The following CNTNAP4 variants were observed in gnomAD, a reference collection of about 807,000 sequenced individuals.
CNTNAP4 encodes the protein contactin-associated protein-like 4.
In CNTNAP4, 98 loss-of-function variants were observed where a neutral mutation model predicts 148.4. The observed-to-expected ratio is 0.66, with a 90% CI of 0.56 to 0.78. The LOEUF (loss-of-function observed/expected upper bound fraction) is 0.78. Among genes scored for constraint, CNTNAP4 ranks in the 30% least tolerant of loss-of-function variants. The pLI is 0.00. For missense variants in CNTNAP4, 1,935 were observed against 1,565.6 expected (o/e 1.24, Z -3.98); for synonymous variants, 730 against 565.1 (o/e 1.29, Z -4.14).
intron 10 of CNTNAP4, among the ~76,000 whole-genome samples, chr16:76,473,840 GTT>G (rs372567909): frequency 0.58 from 75,238 of 129,678 alleles, 19,149 homozygotes; most frequent in East Asian, 0.66. Flanking sequence ...GGTTTTGTAG[GTT>G]TTTTTTTTGT....
chr16:76,495,042 A>G lies in CNTNAP4; in HGVS notation c.2213A>G (p.Asn738Ser), dbSNP rs760241728. 5.0e-6 allele frequency: 8 copies of G among 1,613,330 alleles called. No homozygotes were observed. The highest frequency in any genetic ancestry group is 3.3e-5 in the Admixed American group (2 of 59,972). ...GNCIDSQYYC[N>S]CDADRNEWTN... ...TGCATTGATTCTCAGTATTACTGCA[A>G]TTGTGATGCTGACCGGAATGAATGG... is the stretch of plus-strand genomic sequence containing the variant. Residue 738 changes from asparagine to serine, a missense_variant, in exon 14 of 24, where the codon AAT (asparagine) becomes AGT (serine). Transcript: ENST00000611870.
intron 2 of CNTNAP4, among the ~76,000 whole-genome samples, chr16:76,353,501 A>G (rs1228491959): frequency 6.6e-6 from 1 of 152,200 alleles, no homozygotes; most frequent in Admixed American, 6.5e-5. Context: ...CCATACTCCA[A>G]CCACTTCCTT....
intron 3 of CNTNAP4, among the ~76,000 whole-genome samples, chr16:76,418,729 GT>G (rs111245948): frequency 0.36 from 54,379 of 149,588 alleles, 11,006 homozygotes; most frequent in Non-Finnish European, 0.44. Flanking sequence ...AGAGTGTGGG[GT>G]TTTTTTTTTT....
intron 1 of CNTNAP4, among the ~76,000 whole-genome samples, chr16:76,292,459 T>C (rs561563397): frequency 6.6e-6 from 1 of 152,294 alleles, no homozygotes; most frequent in South Asian, 2.1e-4. Context: ...CACAGCTGTC[T>C]CTCCAGCCCT....
At chr16:76,417,464 A>C (rs909207812) in intron 3 of CNTNAP4, among the ~76,000 whole-genome samples, 1 of 151,482 alleles carries the variant, frequency 6.6e-6, no homozygotes, top group African/African-American at 2.4e-5. Context: ...AGGTCCCTTA[A>C]AACAGAGTAT....
chr16:76,518,357 A>G (rs561844829), intron 15 of CNTNAP4, among the ~76,000 whole-genome samples: 2 of 152,172 alleles, frequency 1.3e-5, no homozygotes, highest in Admixed American at 6.5e-5. Context: ...CGAACTCCTG[A>G]CCTCAAGTGA....
intron 2 of CNTNAP4, among the ~76,000 whole-genome samples, chr16:76,323,784 T>G (rs1274281411): frequency 6.6e-6 from 1 of 152,142 alleles, no homozygotes; most frequent in Non-Finnish European, 1.5e-5. Context: ...CCCACAGTCT[T>G]CAGCTCTAAA....
chr16:76,303,271 T>C (rs1960166715), intron 1 of CNTNAP4, among the ~76,000 whole-genome samples: 1 of 152,094 alleles, frequency 6.6e-6, no homozygotes, highest in Non-Finnish European at 1.5e-5. Context: ...TTAAAACCCA[T>C]TTATCTGCAG....
chr16:76,443,489 G>T (rs71394260), intron 4 of CNTNAP4, among the ~76,000 whole-genome samples: 5,583 of 152,188 alleles, frequency 0.037, 184 homozygotes, highest in African/African-American at 0.091. Flanking sequence ...GAAGGCTGAG[G>T]CTGAGGTTGG....
At chr16:76,529,012 T>C (rs1322343963) in intron 17 of CNTNAP4, among the ~76,000 whole-genome samples, 1 of 152,206 alleles carries the variant, frequency 6.6e-6, no homozygotes, top group African/African-American at 2.4e-5. Flanking sequence ...ACAAAACCCT[T>C]GTATGACTAA....
intron 14 of CNTNAP4, 109 bp from the exon 15 acceptor site, chr16:76,498,458 A>T (rs2082483837): frequency 1.3e-6 from 1 of 741,202 alleles, no homozygotes; most frequent in Non-Finnish European, 2.2e-6. Flanking sequence ...GAGTGACTGG[A>T]TCCATACTCT....
chr16:76,284,556 G>C (rs1567574757), intron 1 of CNTNAP4, among the ~76,000 whole-genome samples: 1 of 151,758 alleles, frequency 6.6e-6, no homozygotes, highest in African/African-American at 2.4e-5. Context: ...TTAAAAACAG[G>C]GTTTAAAATC....
chr16:76,415,592 C>G (rs1471016187), intron 3 of CNTNAP4, among the ~76,000 whole-genome samples: 1 of 150,758 alleles, frequency 6.6e-6, no homozygotes, highest in African/African-American at 2.4e-5. Flanking sequence ...ATAAAATGCA[C>G]CCAAATAAAG....
intron 4 of CNTNAP4, chr16:76,432,561 A>T (rs1402491736): frequency 6.6e-6 from 1 of 152,208 alleles, no homozygotes; most frequent in Non-Finnish European, 1.5e-5. Flanking sequence ...AGAAAAAGAA[A>T]AGAAAATGTT....
chr16:76,443,756 T>G (rs1165716460), intron 4 of CNTNAP4, among the ~76,000 whole-genome samples: 1 of 152,214 alleles, frequency 6.6e-6, no homozygotes, highest in Non-Finnish European at 1.5e-5. Flanking sequence ...TTTCATAGAT[T>G]AGTACAATAC....
chr16:76,447,153 A>G (rs1326206587), intron 4 of CNTNAP4, among the ~76,000 whole-genome samples: 3 of 151,866 alleles, frequency 2.0e-5, no homozygotes, highest in East Asian at 1.9e-4. Context: ...CATAAAAAAT[A>G]AACAAAATTA....
chr16:76,292,478 T>C (rs1482646458), intron 1 of CNTNAP4, among the ~76,000 whole-genome samples: 1 of 152,184 alleles, frequency 6.6e-6, no homozygotes, highest in Non-Finnish European at 1.5e-5. Context: ...CTCAGCGGCA[T>C]TACCAATCTT....
intron 1 of CNTNAP4, among the ~76,000 whole-genome samples, chr16:76,310,384 A>G (rs973719876): frequency 1.3e-5 from 2 of 152,168 alleles, no homozygotes; most frequent in African/African-American, 2.4e-5. Context: ...TTTCTTAAAT[A>G]TGTTGATGAT....
intron 13 of CNTNAP4, 86 bp from the exon 14 acceptor site, chr16:76,494,815 TTCTTTTTAA>T: frequency 1.6e-6 from 2 of 1,285,592 alleles, no homozygotes; most frequent in South Asian, 2.9e-5. Context: ...TCTCCTTTTA[TTCTTTTTAA>T]TGATTTTGGA....
Sources: gnomAD v4.1 joint callset for allele counts (sites outside exome capture counted in the v4.1 genomes callset) on GRCh38, gnomAD v4.1.1 for gene constraint, MANE v1.5 for transcripts, NCBI Gene and HGNC (gene_info 2026-07-23, HGNC 2026-07-21) for gene names.